SYNPR: variants seen among roughly 807,000 people sequenced by gnomAD.
SYNPR encodes the protein synaptoporin.
SYNPR carries 23 observed loss-of-function variants against 32.9 expected under a neutral mutation model. The ratio of observed to expected loss-of-function variants is 0.70; its 90% CI spans 0.50 to 0.99. The LOEUF is 0.99. SYNPR is among the 50% of genes least tolerant of loss of function. SYNPR has a pLI of 0.00. For missense variants in SYNPR, 318 were observed against 349.3 expected, an observed-to-expected ratio of 0.91 and a Z score of 0.71; for synonymous variants, 146 against 135.9, an observed-to-expected ratio of 1.07 and a Z score of -0.52.
intron 2 of SYNPR, among the ~76,000 whole-genome samples, chr3:63,380,402 T>C (rs1399429271): frequency 1.3e-5 from 2 of 152,236 alleles, no homozygotes; most frequent in Non-Finnish European, 2.9e-5. Context: ...AGATGGTATC[T>C]CACTGTGGTT....
intron 2 of SYNPR, among the ~76,000 whole-genome samples, chr3:63,361,952 T>C (rs2087667961): frequency 6.6e-6 from 1 of 152,244 alleles, no homozygotes; most frequent in African/African-American, 2.4e-5. Flanking sequence ...ATATTTTTAA[T>C]GTTTGCCCAT....
chr3:63,324,712 G>A (rs1317589903), intron 2 of SYNPR, among the ~76,000 whole-genome samples: 1 of 152,040 alleles, frequency 6.6e-6, no homozygotes, highest in Middle Eastern at 3.2e-3. Context: ...ACTAGAAAGG[G>A]AAGCTGCCTG....
intron 3 of SYNPR, among the ~76,000 whole-genome samples, chr3:63,541,698 C>T (rs911167016): frequency 1.3e-5 from 2 of 152,084 alleles, no homozygotes; most frequent in Non-Finnish European, 2.9e-5. Flanking sequence ...GCTTGAAATC[C>T]AGACTATGAA....
chr3:63,598,258 G>A (rs1482906562), intron 4 of SYNPR, among the ~76,000 whole-genome samples: 1 of 152,096 alleles, frequency 6.6e-6, no homozygotes, highest in African/African-American at 2.4e-5. Context: ...AGGTTTACCT[G>A]GTCTGAAATG....
At chr3:63,446,904 T>A (rs773254602) in intron 2 of SYNPR, among the ~76,000 whole-genome samples, 2 of 152,146 alleles carry the variant, frequency 1.3e-5, no homozygotes, top group Non-Finnish European at 2.9e-5. Context: ...AGGCACCCAG[T>A]TAGTTAAAAA....
At chr3:63,311,612 C>A (rs1488242157) in intron 2 of SYNPR, among the ~76,000 whole-genome samples, 1 of 151,964 alleles carries the variant, frequency 6.6e-6, no homozygotes, top group Non-Finnish European at 1.5e-5. Flanking sequence ...ATGGAAAAAT[C>A]GTCTTCCATG....
chr3:63,478,967 C>T (rs116119254), intron 2 of SYNPR, among the ~76,000 whole-genome samples: 1,932 of 152,262 alleles, frequency 0.013, 35 homozygotes, highest in African/African-American at 0.043. Context: ...TAATTGCTTA[C>T]AGGAAGAGAG....
intron 5 of SYNPR, among the ~76,000 whole-genome samples, chr3:63,611,698 T>C (rs1289324621): frequency 1.3e-5 from 2 of 152,158 alleles, no homozygotes; most frequent in Non-Finnish European, 2.9e-5. Context: ...TTTTTTTTCA[T>C]CCACACAGCA....
At chr3:63,385,816 G>A (rs978541948) in intron 2 of SYNPR, among the ~76,000 whole-genome samples, 2 of 152,140 alleles carry the variant, frequency 1.3e-5, no homozygotes, top group African/African-American at 4.8e-5. Context: ...GATGATGGGG[G>A]CTGTCAACAG....
chr3:63,358,702 A>G (rs1418603965), intron 2 of SYNPR, among the ~76,000 whole-genome samples: 1 of 152,176 alleles, frequency 6.6e-6, no homozygotes, highest in Admixed American at 6.5e-5. Flanking sequence ...CTGAAGTTTA[A>G]TTAACACATA....
chr3:63,359,264 C>A (rs2087625897), intron 2 of SYNPR, among the ~76,000 whole-genome samples: 1 of 152,014 alleles, frequency 6.6e-6, no homozygotes, highest in African/African-American at 2.4e-5. Context: ...ATAAATCTGA[C>A]CAGATTCTCC....
chr3:63,328,808 G>A (rs1487293568), intron 2 of SYNPR, among the ~76,000 whole-genome samples: 1 of 152,100 alleles, frequency 6.6e-6, no homozygotes, highest in East Asian at 1.9e-4. Flanking sequence ...GTTTAAACAC[G>A]AGTATTACAG....
intron 2 of SYNPR, among the ~76,000 whole-genome samples, chr3:63,442,551 A>G (rs905745690): frequency 6.6e-6 from 1 of 152,202 alleles, no homozygotes; most frequent in Non-Finnish European, 1.5e-5. Flanking sequence ...TCAAGGTGCT[A>G]TGATTTCGGC....
chr3:63,252,187 T>C (rs1252576785), intron 1 of SYNPR, among the ~76,000 whole-genome samples: 1 of 152,172 alleles, frequency 6.6e-6, no homozygotes, highest in Admixed American at 6.5e-5. Flanking sequence ...ATGCTATGTG[T>C]TCTAAATGTT....
chr3:63,403,516 C>T (rs541377050), intron 2 of SYNPR, among the ~76,000 whole-genome samples: 2 of 151,712 alleles, frequency 1.3e-5, no homozygotes, highest in East Asian at 1.9e-4. Context: ...CTCACAATAA[C>T]CCCACAAAGT....
At chr3:63,573,169 T>C (rs1391927637) in intron 4 of SYNPR, among the ~76,000 whole-genome samples, 3 of 152,146 alleles carry the variant, frequency 2.0e-5, no homozygotes, top group Non-Finnish European at 4.4e-5. Flanking sequence ...AATATTTATC[T>C]TTGTAAAAGG....
At chr3:63,523,144 C>T (rs11708252) in intron 3 of SYNPR, among the ~76,000 whole-genome samples, 12,893 of 152,074 alleles carry the variant, frequency 0.085, 686 homozygotes, top group Admixed American at 0.17. Context: ...GCACACGTGA[C>T]GGTGGGGCGG....
intron 2 of SYNPR, among the ~76,000 whole-genome samples, chr3:63,380,763 A>C (rs2107067831): frequency 6.6e-6 from 1 of 152,322 alleles, no homozygotes; most frequent in African/African-American, 2.4e-5. Flanking sequence ...CAAATCAATA[A>C]ACGTAATCCA....
At chr3:63,438,618 TTC>T (rs1306407606) in intron 2 of SYNPR, among the ~76,000 whole-genome samples, 2 of 152,188 alleles carry the variant, frequency 1.3e-5, no homozygotes, top group Non-Finnish European at 2.9e-5. Context: ...GAAAACAACT[TTC>T]TCTTACAAGG....
Sources: allele counts gnomAD v4.1 joint callset (sites outside exome capture counted in the v4.1 genomes callset), GRCh38; gene constraint gnomAD v4.1.1; transcripts MANE v1.5; gene names NCBI Gene and HGNC (gene_info 2026-07-23, HGNC 2026-07-21).